SPATA1: variants seen among roughly 807,000 people sequenced by gnomAD.
The protein encoded by SPATA1 is spermatogenesis-associated protein 1.
Under a neutral mutation model 59.6 loss-of-function variants are expected in SPATA1, and 57 were observed. The ratio of observed to expected loss-of-function variants is 0.96; its 90% CI spans 0.77 to 1.19. The LOEUF is 1.19. Ranked by LOEUF, SPATA1 falls within the 50% of genes most tolerant of loss-of-function variation. The probability of loss-of-function intolerance (pLI) is 0.00; values close to 1 mark genes in which losing one functional copy is unlikely to be tolerated. For missense variants in SPATA1, 448 were observed against 480.7 expected, an observed-to-expected ratio of 0.93 and a Z score of 0.64; for synonymous variants, 147 against 163.9, an observed-to-expected ratio of 0.90 and a Z score of 0.79.
intron 2 of SPATA1, among the ~76,000 whole-genome samples, 160 bp from the exon 3 acceptor site, chr1:84,520,425 C>T (rs1682974664): frequency 6.6e-6 from 1 of 152,114 alleles, no homozygotes; most frequent in Non-Finnish European, 1.5e-5. Context: ...AACTTAAGAA[C>T]AAATTTTTAG....
At chr1:84,532,950 A>G in exon 7 of SPATA1, 1 of 1,551,708 alleles carries the variant, frequency 6.4e-7, no homozygotes, top group Non-Finnish European at 8.7e-7. Context: ...GATTCAAATA[A>G]TGATTGCTTT....
intron 12 of SPATA1, chr1:84,551,860 A>G (rs1033056057): frequency 2.0e-5 from 3 of 152,108 alleles, no homozygotes; most frequent in African/African-American, 7.2e-5. Context: ...AGTAATAAAA[A>G]TGCCCCCAGA....
intron 1 of SPATA1, chr1:84,507,242 A>T (rs964038129): frequency 1.3e-5 from 2 of 152,162 alleles, no homozygotes; most frequent in Admixed American, 6.5e-5. Flanking sequence ...TAATAATTTT[A>T]TCATTAATGG....
At chr1:84,528,532 A>C (rs549885960) in intron 6 of SPATA1, among the ~76,000 whole-genome samples, 1 of 152,206 alleles carries the variant, frequency 6.6e-6, no homozygotes, top group Non-Finnish European at 1.5e-5. Context: ...GTAAGAGTCA[A>C]CCATACCTAT....
At chr1:84,519,333 G>A (rs982058055) in intron 2 of SPATA1, among the ~76,000 whole-genome samples, 5 of 152,008 alleles carry the variant, frequency 3.3e-5, no homozygotes, top group Non-Finnish European at 5.9e-5. Context: ...ATTAGCGTTT[G>A]AGTGTAAATA....
intron 8 of SPATA1, among the ~76,000 whole-genome samples, chr1:84,540,714 C>T (rs1683870137): frequency 6.6e-6 from 1 of 152,190 alleles, no homozygotes; most frequent in Admixed American, 6.5e-5. Context: ...TCAGCCTATA[C>T]TAGGAAAAGA....
At chr1:84,563,057 A>G (rs1684624052) in intron 4 of SPATA1, among the ~76,000 whole-genome samples, 1 of 152,228 alleles carries the variant, frequency 6.6e-6, no homozygotes, top group Admixed American at 6.5e-5. Flanking sequence ...TAGATTCACC[A>G]TTAGCAAAAC....
At chr1:84,555,708 G>A (rs1684409840), downstream of SPATA1, among the ~76,000 whole-genome samples, 2 of 152,132 alleles carry the variant, frequency 1.3e-5, no homozygotes, top group African/African-American at 4.8e-5. Flanking sequence ...AATCACTTGC[G>A]GAGCTTTTAA....
rs749331270 is a variant in SPATA1 at position 84,525,687 on chromosome 1, T to TAA, written c.262-8_262-7insAA. ...AAGCTTTAATTTTTTTCTCACTACT[T>TAA]ATTTCTAGGTGAAGGAAAAGCAAGA... is the stretch of plus-strand genomic sequence containing the variant. On this transcript the variant is annotated splice_polypyrimidine_tract_variant and intron_variant, in intron 4 of 12. Transcript: ENST00000490879. 1.4e-5 allele frequency: 22 copies of TAA among 1,571,184 alleles called. 1 individual carries two copies. The South Asian group carries it at 1.8e-4, about 13-fold the overall frequency.
At chr1:84,529,196 C>A (rs1295162889) in intron 6 of SPATA1, among the ~76,000 whole-genome samples, 1 of 152,030 alleles carries the variant, frequency 6.6e-6, no homozygotes, top group East Asian at 1.9e-4. Context: ...CTGTAAATCA[C>A]CACACAAACA....
exon 10 of SPATA1, chr1:84,545,692 A>T (rs1212435263): frequency 6.5e-7 from 1 of 1,541,638 alleles, no homozygotes; most frequent in Non-Finnish European, 8.7e-7. Context: ...ATCTGGAAAG[A>T]AATAGAGAAG....
At chr1:84,558,047 A>G (rs970368448), downstream of SPATA1, among the ~76,000 whole-genome samples, 9 of 152,184 alleles carry the variant, frequency 5.9e-5, no homozygotes, top group African/African-American at 2.2e-4. Context: ...TTCAAGACAC[A>G]AATTTTCAAT....
At chr1:84,518,905 C>T (rs1682901551) in intron 2 of SPATA1, among the ~76,000 whole-genome samples, 1 of 151,918 alleles carries the variant, frequency 6.6e-6, no homozygotes, top group African/African-American at 2.4e-5. Flanking sequence ...GCAATTACCA[C>T]TTTATAATAT....
chr1:84,538,382 T>TA (rs2101986056), intron 8 of SPATA1, among the ~76,000 whole-genome samples: 1 of 152,354 alleles, frequency 6.6e-6, no homozygotes, highest in East Asian at 1.9e-4. Context: ...CTCCTTGTCG[T>TA]AATCTAGTTT....
chr1:84,548,578 A>G (rs1684166631), intron 10 of SPATA1, among the ~76,000 whole-genome samples: 1 of 147,982 alleles, frequency 6.8e-6, no homozygotes, highest in Non-Finnish European at 1.5e-5. Context: ...CTATATTTCT[A>G]TACAAGTTCT....
At chr1:84,532,317 G>C (rs1354172060) in intron 6 of SPATA1, among the ~76,000 whole-genome samples, 1 of 152,166 alleles carries the variant, frequency 6.6e-6, no homozygotes, top group Non-Finnish European at 1.5e-5. Context: ...CCAACCTGGT[G>C]AAACCCTGTC....
At chr1:84,529,634 T>C (rs975549878) in intron 6 of SPATA1, among the ~76,000 whole-genome samples, 2 of 134,836 alleles carry the variant, frequency 1.5e-5, no homozygotes, top group Non-Finnish European at 3.1e-5. Context: ...CAGGCTGCAG[T>C]GCAGTGGTGC....
intron 6 of SPATA1, among the ~76,000 whole-genome samples, chr1:84,531,171 C>G (rs1351536691): frequency 6.6e-6 from 1 of 151,472 alleles, no homozygotes; most frequent in African/African-American, 2.4e-5. Flanking sequence ...TTTGTTTTGC[C>G]TTGTTTTGTT....
chr1:84,542,431 A>G (rs956273194), intron 8 of SPATA1, among the ~76,000 whole-genome samples: 36 of 152,102 alleles, frequency 2.4e-4, no homozygotes, highest in African/African-American at 8.5e-4. Flanking sequence ...ATGTCTTACC[A>G]TGATTACTGC....
Sources: gnomAD v4.1 joint callset for allele counts (sites outside exome capture counted in the v4.1 genomes callset) on GRCh38, gnomAD v4.1.1 for gene constraint, MANE v1.5 for transcripts, NCBI Gene and HGNC (gene_info 2026-07-23, HGNC 2026-07-21) for gene names.